Variants in NTRK2 observed in about 807,000 individuals in gnomAD.
The protein encoded by NTRK2 is neurotrophic receptor tyrosine kinase 2, also known as BDNF/NT-3 growth factors receptor.
NTRK2 carries 13 observed loss-of-function variants against 94.5 expected under a neutral mutation model. The observed-to-expected ratio is 0.14, with a 90% confidence interval of 0.09 to 0.22. The LOEUF (loss-of-function observed/expected upper bound fraction) is 0.22. Among genes scored for constraint, NTRK2 ranks in the 10% least tolerant of loss-of-function variants. NTRK2 has a pLI of 1.00. For missense variants in NTRK2, 639 were observed against 1,071.2 expected (o/e 0.60, Z 5.63); for synonymous variants, 372 against 407.4 (o/e 0.91, Z 1.05).
intron 8 of NTRK2, among the ~76,000 whole-genome samples, chr9:84,727,358 A>C (rs2062539626): frequency 6.6e-6 from 1 of 152,230 alleles, no homozygotes; most frequent in South Asian, 2.1e-4. Flanking sequence ...CGCTGTCAGA[A>C]ATCTCTTGGA....
intron 17 of NTRK2, among the ~76,000 whole-genome samples, chr9:85,014,538 A>G (rs1832009257): frequency 6.6e-6 from 1 of 152,220 alleles, no homozygotes; most frequent in Non-Finnish European, 1.5e-5. Flanking sequence ...CCAGTCTTCC[A>G]ATTTCAAAAA....
chr9:84,972,299 G>A (rs753293148), intron 17 of NTRK2, among the ~76,000 whole-genome samples: 20 of 152,224 alleles, frequency 1.3e-4, no homozygotes, highest in Non-Finnish European at 2.4e-4. Context: ...GAGCTGTGAT[G>A]TATCAGGGCT....
At chr9:84,959,253 G>A (rs184811192) in intron 17 of NTRK2, among the ~76,000 whole-genome samples, 29 of 152,242 alleles carry the variant, frequency 1.9e-4, no homozygotes, top group African/African-American at 5.3e-4. Context: ...TCTTTCCATC[G>A]CAGTAATGGG....
At chr9:84,922,588 C>A (rs1198990117) in intron 14 of NTRK2, among the ~76,000 whole-genome samples, 2 of 152,186 alleles carry the variant, frequency 1.3e-5, no homozygotes, top group Non-Finnish European at 2.9e-5. Context: ...TAACTTTGGG[C>A]ACCTTCCTTA....
intron 17 of NTRK2, among the ~76,000 whole-genome samples, chr9:84,957,267 GT>G (rs1372106354): frequency 1.3e-5 from 2 of 152,170 alleles, no homozygotes; most frequent in Admixed American, 6.5e-5. Context: ...TGCTTGTTAA[GT>G]TTTTCCACCT....
At chr9:84,689,274 C>A (rs1490293723) in intron 2 of NTRK2, among the ~76,000 whole-genome samples, 2 of 152,244 alleles carry the variant, frequency 1.3e-5, no homozygotes, top group Admixed American at 1.3e-4. Flanking sequence ...TTATGGCAAC[C>A]TTTGCATGCC....
At chr9:84,675,924 G>A (rs2059024161) in intron 2 of NTRK2, among the ~76,000 whole-genome samples, 1 of 152,178 alleles carries the variant, frequency 6.6e-6, no homozygotes, top group South Asian at 2.1e-4. Context: ...GTGTCCAAAG[G>A]ACTGGGAAGT....
In NTRK2 at chr9:84,705,014, G is replaced by A. The variant is rs556935950; in HGVS notation, c.359+2595G>A. Among the ~76,000 whole-genome samples, 3 of 152,138 alleles carry A rather than the reference G, an allele frequency of 2.0e-5. No homozygotes were observed. In the East Asian group the frequency reaches 5.8e-4, roughly 29 times the overall value. ...TTGCACTCTTCCCTCAAATATCAAC[G>A]CAGTGGGGTGCAAGGGAGCTGATAA... On this transcript the variant is annotated intron_variant, in intron 4 of 18. Coordinates refer to ENST00000277120, the MANE Select transcript of NTRK2 (RefSeq NM_006180.6).
rs114016529 is a variant in NTRK2, at chr9:84,787,814, G to A, written c.1396+35729G>A. On this transcript the variant is annotated intron_variant, in intron 12 of 18. Coordinates refer to ENST00000277120, the MANE Select transcript of NTRK2 (RefSeq NM_006180.6). The stretch of plus-strand genomic sequence containing the variant: ...CTATCTATAAATCCCTTGGTATGGT[G>A]GGCAATATAGTGTATGGAGAGGTGA... Among the ~76,000 whole-genome samples the A allele has an allele frequency of 9.0e-3, 1,369 of 152,240 alleles. 23 individuals carry two copies. The highest frequency in any genetic ancestry group is 0.031 in the African/African-American group (1,277 of 41,516).
At chr9:84,819,985 A>C (rs2072682528) in intron 12 of NTRK2, among the ~76,000 whole-genome samples, 1 of 152,098 alleles carries the variant, frequency 6.6e-6, no homozygotes, top group South Asian at 2.1e-4. Context: ...GTATGATCTC[A>C]TTTTATCTTC....
chr9:84,973,336 G>A (rs1826410306), intron 17 of NTRK2, among the ~76,000 whole-genome samples: 1 of 152,130 alleles, frequency 6.6e-6, no homozygotes, highest in South Asian at 2.1e-4. Context: ...CACCAACTTT[G>A]CCACAGAGAG....
At chr9:84,732,438 C>G (rs540628159) in intron 9 of NTRK2, among the ~76,000 whole-genome samples, 6 of 152,110 alleles carry the variant, frequency 3.9e-5, no homozygotes, top group Non-Finnish European at 5.9e-5. Context: ...TTTTTAAGGT[C>G]CCTAGTGATT....
chr9:84,870,910 C>T (rs549734623), intron 14 of NTRK2, among the ~76,000 whole-genome samples: 2 of 152,216 alleles, frequency 1.3e-5, no homozygotes, highest in South Asian at 2.1e-4. Flanking sequence ...TATGGTCTTA[C>T]GAAGATCGCT....
intron 17 of NTRK2, among the ~76,000 whole-genome samples, chr9:84,997,274 G>A (rs1829865120): frequency 1.3e-5 from 2 of 152,286 alleles, no homozygotes; most frequent in South Asian, 4.1e-4. Flanking sequence ...TGGTCTCTGA[G>A]ACTGAAAACC....
intron 14 of NTRK2, among the ~76,000 whole-genome samples, chr9:84,886,479 A>C (rs1008238303): frequency 6.6e-6 from 1 of 152,156 alleles, no homozygotes; most frequent in African/African-American, 2.4e-5. Flanking sequence ...ATTATCACCG[A>C]AGCTCAGGGC....
intron 17 of NTRK2, among the ~76,000 whole-genome samples, chr9:85,017,220 C>CA (rs1226052837): frequency 6.6e-6 from 1 of 152,130 alleles, no homozygotes; most frequent in Non-Finnish European, 1.5e-5. Flanking sequence ...AGAAGAAAGC[C>CA]ACACCTCAAA....
intron 14 of NTRK2, among the ~76,000 whole-genome samples, chr9:84,888,255 G>A (rs541851320): frequency 1.2e-4 from 18 of 152,178 alleles, no homozygotes; most frequent in Non-Finnish European, 2.1e-4. Flanking sequence ...TTCCACATAC[G>A]TTATCTCAGC....
intron 12 of NTRK2, among the ~76,000 whole-genome samples, chr9:84,819,119 T>C (rs2072619079): frequency 6.6e-6 from 1 of 152,144 alleles, no homozygotes; most frequent in Non-Finnish European, 1.5e-5. Flanking sequence ...GTTCCCTCCC[T>C]CTCTCTTTTA....
intron 12 of NTRK2, among the ~76,000 whole-genome samples, chr9:84,766,667 AACAC>A (rs1285716245): frequency 6.6e-6 from 1 of 151,372 alleles, no homozygotes. Context: ...ACACACACTC[AACAC>A]ACAAACACAC....
Sources: allele counts gnomAD v4.1 joint callset (sites outside exome capture counted in the v4.1 genomes callset), GRCh38; gene constraint gnomAD v4.1.1; transcripts MANE v1.5; gene names NCBI Gene and HGNC (gene_info 2026-07-23, HGNC 2026-07-21).